The following ERC2 variants were observed in gnomAD, a reference collection of about 807,000 sequenced individuals.
ERC2 encodes ERC protein 2.
In ERC2, 42 loss-of-function variants were observed where a neutral mutation model predicts 114.8. That is an observed-to-expected ratio of 0.37 (90% CI 0.29 to 0.47). ERC2 has a LOEUF of 0.47. ERC2 is among the 20% of genes least tolerant of loss of function. The probability of loss-of-function intolerance (pLI) is 0.99; values close to 1 mark genes in which losing one functional copy is unlikely to be tolerated. For missense variants in ERC2, 939 were observed against 1,150.7 expected (o/e 0.82, Z 2.66); for synonymous variants, 454 against 425.5 (o/e 1.07, Z -0.82).
At chr3:55,641,542 T>G (rs1016364426) in intron 17 of ERC2, among the ~76,000 whole-genome samples, 2 of 102,684 alleles carry the variant, frequency 1.9e-5, no homozygotes, top group Admixed American at 1.2e-4. Flanking sequence ...AGAGCAAGAT[T>G]CTATCTCAAA....
chr3:56,194,716 A>T lies in ERC2; in HGVS notation c.1075-21196T>A, dbSNP rs1385585088. 3.3e-5 allele frequency among the ~76,000 whole-genome samples: 5 copies of T among 152,290 alleles called. No homozygotes were observed. The East Asian group carries it at 5.8e-4, about 18-fold the overall frequency. On this transcript the variant is annotated intron_variant, in intron 3 of 17. Transcript: ENST00000288221. ...ACAACAGCTAAGACATCACTAGGGGATAGGAATTTTTCAGCTCCATTATAA... is the reference window on the plus strand; with the variant it reads ...ACAACAGCTAAGACATCACTAGGGGTTAGGAATTTTTCAGCTCCATTATAA...
rs2061252676 is a variant in ERC2, at chr3:56,418,338, C to T, written c.657+16013G>A. On this transcript the variant is annotated intron_variant, in intron 2 of 17. Transcript: ENST00000288221. ...AAGGATTCGGAAAGGGGATGACTTCCTTTTACATGGGCTTCAAAGTTGTTT... is the reference window on the plus strand; with the variant it reads ...AAGGATTCGGAAAGGGGATGACTTCTTTTTACATGGGCTTCAAAGTTGTTT... Among the ~76,000 whole-genome samples the T allele has an allele frequency of 2.0e-5, 3 of 151,426 alleles. No individual in the cohort carries two copies. The East Asian group carries it at 5.8e-4, about 29-fold the overall frequency.
chr3:55,869,665 C>T (rs1490207864), intron 14 of ERC2, among the ~76,000 whole-genome samples: 1 of 152,118 alleles, frequency 6.6e-6, no homozygotes, highest in Non-Finnish European at 1.5e-5. Context: ...GTCTTTCCTT[C>T]CCAGAGCACT....
At chr3:56,259,941 C>G (rs923183415) in intron 3 of ERC2, among the ~76,000 whole-genome samples, 4 of 152,182 alleles carry the variant, frequency 2.6e-5, no homozygotes, top group Non-Finnish European at 5.9e-5. Flanking sequence ...AGAGATGGAA[C>G]CCCCGATAGG....
intron 7 of ERC2, among the ~76,000 whole-genome samples, chr3:56,058,449 T>A (rs1057336499): frequency 6.6e-6 from 1 of 152,198 alleles, no homozygotes; most frequent in African/African-American, 2.4e-5. Flanking sequence ...AAAGACGAAG[T>A]CTCTCAGTCC....
At chr3:55,897,611 A>G (rs2125243) in intron 13 of ERC2, among the ~76,000 whole-genome samples, 52,554 of 152,096 alleles carry the variant, frequency 0.35, 11,254 homozygotes, top group African/African-American at 0.6. Context: ...ACAACTCTGG[A>G]CACAGAAGGT....
At chr3:56,293,698 GT>G (rs1283174762) in intron 3 of ERC2, among the ~76,000 whole-genome samples, 1 of 152,240 alleles carries the variant, frequency 6.6e-6, no homozygotes, top group Non-Finnish European at 1.5e-5. Context: ...AGGGAAACTA[GT>G]TGAATGTATT....
intron 1 of ERC2, among the ~76,000 whole-genome samples, chr3:56,459,432 G>A (rs558057058): frequency 6.6e-6 from 1 of 152,144 alleles, no homozygotes; most frequent in African/African-American, 2.4e-5. Flanking sequence ...GCACTTTGCT[G>A]CCTGCAACTC....
Position 56,108,906 on chromosome 3 carries a change from A to G in ERC2, c.1474-27922T>C, listed in dbSNP as rs187796476. Reference sequence around the variant, plus strand: ...CAATGATAGATGAGAAATAATATGAAGAATGAATCAAAAACAGTGAAGAAA... The same window carrying G: ...CAATGATAGATGAGAAATAATATGAGGAATGAATCAAAAACAGTGAAGAAA... On this transcript the variant is annotated intron_variant, in intron 6 of 17. Coordinates refer to ENST00000288221, the MANE Select transcript of ERC2 (RefSeq NM_015576.3). Among the ~76,000 whole-genome samples, 16 of 152,312 alleles carry G rather than the reference A, an allele frequency of 1.1e-4. No homozygotes were observed. The East Asian group carries it at 2.9e-3, about 28-fold the overall frequency.
rs79433059 is a variant in ERC2, at chr3:55,825,820, T to G, written c.2564+62569A>C. 7.2e-4 allele frequency among the ~76,000 whole-genome samples: 110 copies of G among 152,304 alleles called. 1 individual carries two copies. The East Asian group carries it at 0.02, about 28-fold the overall frequency. The stretch of plus-strand genomic sequence containing the variant: ...TGCTAGTATTAGTATCATTATTGTG[T>G]TTGTTGTTTTTGTTTTAATTATTAT... On this transcript the variant is annotated intron_variant, in intron 14 of 17. Coordinates refer to ENST00000288221, the MANE Select transcript of ERC2 (RefSeq NM_015576.3).
intron 14 of ERC2, among the ~76,000 whole-genome samples, chr3:55,746,336 C>T (rs569525044): frequency 1.2e-4 from 18 of 152,074 alleles, no homozygotes; most frequent in African/African-American, 3.1e-4. Context: ...CGGGTTCAAG[C>T]GATTCTCCTG....
chr3:55,906,782 T>G (rs140628181), intron 13 of ERC2, among the ~76,000 whole-genome samples: 7 of 152,328 alleles, frequency 4.6e-5, no homozygotes, highest in African/African-American at 1.7e-4. Context: ...GCTGTGAACA[T>G]TCATCCTGGA....
At chr3:56,414,216 T>G (rs1301481986) in intron 2 of ERC2, among the ~76,000 whole-genome samples, 1 of 152,190 alleles carries the variant, frequency 6.6e-6, no homozygotes, top group Admixed American at 6.5e-5. Flanking sequence ...TACTGGGAAC[T>G]TTTCTGCCTT....
chr3:55,517,312 G>A (rs1255244735), intron 17 of ERC2, among the ~76,000 whole-genome samples: 2 of 151,756 alleles, frequency 1.3e-5, no homozygotes, highest in Non-Finnish European at 2.9e-5. Context: ...GTAATGGCGG[G>A]CACCTGTAAT....
At chr3:55,850,714 G>C (rs943990173) in intron 14 of ERC2, among the ~76,000 whole-genome samples, 9 of 152,070 alleles carry the variant, frequency 5.9e-5, no homozygotes, top group Non-Finnish European at 1.5e-5. Flanking sequence ...AATGATGTCA[G>C]ACATCACTAA....
At chr3:55,632,518 T>C (rs926104417) in intron 17 of ERC2, among the ~76,000 whole-genome samples, 8 of 152,182 alleles carry the variant, frequency 5.3e-5, no homozygotes, top group African/African-American at 1.9e-4. Context: ...CTCTCTATTC[T>C]CTTAAGTTTG....
chr3:55,873,840 G>T (rs950918831), intron 14 of ERC2, among the ~76,000 whole-genome samples: 2 of 152,060 alleles, frequency 1.3e-5, no homozygotes, highest in Non-Finnish European at 2.9e-5. Flanking sequence ...CAGGAAGCAT[G>T]GGTCCAGGGA....
intron 11 of ERC2, among the ~76,000 whole-genome samples, 162 bp from the exon 12 acceptor site, chr3:55,986,150 T>C (rs971858373): frequency 1.5e-4 from 23 of 152,216 alleles, no homozygotes; most frequent in African/African-American, 5.1e-4. Flanking sequence ...TTTTATCTTA[T>C]ATTACCCCCA....
intron 4 of ERC2, among the ~76,000 whole-genome samples, chr3:56,168,314 G>A (rs1369547552): frequency 2.6e-5 from 4 of 152,256 alleles, no homozygotes; most frequent in East Asian, 1.9e-4. Context: ...AGGTGACATC[G>A]TTGTTGTTAG....
Sources: gnomAD v4.1 joint callset for allele counts (sites outside exome capture counted in the v4.1 genomes callset) on GRCh38, gnomAD v4.1.1 for gene constraint, MANE v1.5 for transcripts, NCBI Gene and HGNC (gene_info 2026-07-23, HGNC 2026-07-21) for gene names.